The following MICU1 variants were observed in gnomAD, a reference collection of about 807,000 sequenced individuals.
MICU1 encodes calcium uptake protein 1, mitochondrial.
Under a neutral mutation model 56.8 loss-of-function variants are expected in MICU1, and 45 were observed. The observed-to-expected ratio is 0.79, with a 90% CI of 0.62 to 1.02. MICU1 has a LOEUF of 1.02. MICU1 is among the 50% of genes least tolerant of loss of function. MICU1 has a pLI of 0.00. For missense variants in MICU1, 504 were observed against 587.1 expected (o/e 0.86, Z 1.46); for synonymous variants, 186 against 195.1 (o/e 0.95, Z 0.39).
intron 1 of MICU1, among the ~76,000 whole-genome samples, chr10:72,568,794 C>T (rs1397530660): frequency 6.8e-6 from 1 of 147,210 alleles, no homozygotes; most frequent in Non-Finnish European, 1.5e-5. Context: ...GCCCTATCAC[C>T]CAGGCTGGAG....
intron 10 of MICU1, among the ~76,000 whole-genome samples, chr10:72,406,394 G>T (rs1416833046): frequency 6.6e-6 from 1 of 152,100 alleles, no homozygotes; most frequent in Non-Finnish European, 1.5e-5. Flanking sequence ...ACACTAAGGT[G>T]TTGATTCTTC....
chr10:72,565,143 T>C (rs1387025853), intron 2 of MICU1, among the ~76,000 whole-genome samples: 1 of 147,166 alleles, frequency 6.8e-6, no homozygotes, highest in Non-Finnish European at 1.5e-5. Flanking sequence ...AAAAAAAAAA[T>C]TACCCAAAGG....
intron 10 of MICU1, among the ~76,000 whole-genome samples, chr10:72,381,317 A>G (rs1370313982): frequency 6.6e-6 from 1 of 152,200 alleles, no homozygotes; most frequent in Non-Finnish European, 1.5e-5. Flanking sequence ...GTTCTGCTTC[A>G]GCCCTGGAAA....
chr10:72,530,936 C>T (rs962352839), intron 5 of MICU1, among the ~76,000 whole-genome samples: 15 of 152,130 alleles, frequency 9.9e-5, no homozygotes, highest in Non-Finnish European at 2.1e-4. Context: ...TATTTTGCAT[C>T]TGGAGGTTCC....
chr10:72,475,422 A>C, intron 7 of MICU1, 125 bp from the exon 8 acceptor site: 1 of 926,376 alleles, frequency 1.1e-6, no homozygotes. Flanking sequence ...ATCTCTTTTA[A>C]TGCTTACAAC....
intron 6 of MICU1, among the ~76,000 whole-genome samples, chr10:72,489,426 T>C (rs1017292193): frequency 4.6e-5 from 7 of 152,036 alleles, no homozygotes; most frequent in South Asian, 2.1e-4. Flanking sequence ...GATGAGGAAA[T>C]TGAGGTTTAT....
chr10:72,600,789 C>A (rs1196726866), intron 1 of MICU1, among the ~76,000 whole-genome samples: 1 of 151,842 alleles, frequency 6.6e-6, no homozygotes, highest in Non-Finnish European at 1.5e-5. Context: ...AAGACATAAA[C>A]AGAAACATGT....
intron 10 of MICU1, among the ~76,000 whole-genome samples, chr10:72,404,459 T>C (rs1029101291): frequency 1.3e-5 from 2 of 152,126 alleles, no homozygotes; most frequent in Non-Finnish European, 2.9e-5. Context: ...CAACAAACCA[T>C]AGAGAAAATT....
At chr10:72,469,080 C>T (rs34727046) in intron 8 of MICU1, among the ~76,000 whole-genome samples, 70,615 of 152,026 alleles carry the variant, frequency 0.46, 20,252 homozygotes, top group Non-Finnish European at 0.67. Context: ...TAAAACATCA[C>T]TAAACCTGAC....
rs146767435 is a variant in MICU1 at position 72,536,684 on chromosome 10, G to A, written c.494-2895C>T. The stretch of plus-strand genomic sequence containing the variant: ...CGTTAAAATTTTAAAAGGGCAAAAA[G>A]AAACAAGTGAAATTAATTTTAATAC... On this transcript the variant is annotated intron_variant, in intron 4 of 11. Transcript: ENST00000361114. 8.3e-4 allele frequency among the ~76,000 whole-genome samples: 126 copies of A among 152,220 alleles called. 2 individuals are homozygous for A. Among genetic ancestry groups the A allele is most frequent in the Admixed American group, 1.0e-3 (16 of 15,276 alleles).
chr10:72,534,366 G>C (rs1839571389), intron 4 of MICU1, among the ~76,000 whole-genome samples: 1 of 152,112 alleles, frequency 6.6e-6, no homozygotes, highest in Non-Finnish European at 1.5e-5. Flanking sequence ...ATTGAGGGCA[G>C]GGATAGTTTT....
intron 1 of MICU1, among the ~76,000 whole-genome samples, chr10:72,579,759 C>T (rs1245617954): frequency 6.6e-6 from 1 of 152,114 alleles, no homozygotes; most frequent in Non-Finnish European, 1.5e-5. Context: ...GACACCTATG[C>T]TTCTGATGGC....
At chr10:72,489,329 TA>T (rs80216178) in intron 6 of MICU1, among the ~76,000 whole-genome samples, 10,728 of 134,004 alleles carry the variant, frequency 0.08, 1,029 homozygotes, top group East Asian at 0.23. Flanking sequence ...CACACAAAAA[TA>T]AAAAAAAAAG....
At chr10:72,535,939 A>C (rs925210802) in intron 4 of MICU1, among the ~76,000 whole-genome samples, 2 of 152,118 alleles carry the variant, frequency 1.3e-5, no homozygotes, top group Non-Finnish European at 2.9e-5. Context: ...ATTATGTTAA[A>C]TGAAATAAGG....
chr10:72,583,748 T>C (rs1840969962), intron 1 of MICU1, among the ~76,000 whole-genome samples: 1 of 152,228 alleles, frequency 6.6e-6, no homozygotes, highest in Non-Finnish European at 1.5e-5. Context: ...AATCATTTTT[T>C]AAACATCTCT....
At chr10:72,453,811 G>A (rs898306875) in intron 8 of MICU1, among the ~76,000 whole-genome samples, 3 of 151,492 alleles carry the variant, frequency 2.0e-5, no homozygotes, top group South Asian at 2.1e-4. Flanking sequence ...GATTACAGGC[G>A]TGAGCCACCG....
intron 8 of MICU1, among the ~76,000 whole-genome samples, chr10:72,472,603 A>G (rs1386673488): frequency 1.3e-5 from 2 of 151,518 alleles, no homozygotes; most frequent in Non-Finnish European, 2.9e-5. Flanking sequence ...TTTAGTTAAG[A>G]AAAAAAAAGA....
chr10:72,606,418 C>G lies in MICU1; in HGVS notation c.-2+19592G>C, dbSNP rs181342838. Among the ~76,000 whole-genome samples, 624 of 151,844 alleles carry G rather than the reference C, an allele frequency of 4.1e-3. 2 individuals carry two copies. Among genetic ancestry groups the G allele is most frequent in the Middle Eastern group, 0.017 (5 of 294 alleles). ...AATTCCAGCTACTCGGGAACTGAGG[C>G]AGGAGAATCTCTTGAACCCAGGAGG... On this transcript the variant is annotated intron_variant, in intron 1 of 11. Coordinates refer to ENST00000361114, the MANE Select transcript of MICU1 (RefSeq NM_001195518.2).
chr10:72,550,897 G>A (rs1840019047), intron 4 of MICU1, among the ~76,000 whole-genome samples: 3 of 152,272 alleles, frequency 2.0e-5, no homozygotes, highest in Admixed American at 6.5e-5. Context: ...GCAGTTGTAT[G>A]TGTAATGTAT....
Sources: gnomAD v4.1 joint callset for allele counts (sites outside exome capture counted in the v4.1 genomes callset) on GRCh38, gnomAD v4.1.1 for gene constraint, MANE v1.5 for transcripts, NCBI Gene and HGNC (gene_info 2026-07-23, HGNC 2026-07-21) for gene names.